SLC2A14: variants seen among roughly 807,000 people sequenced by gnomAD.
SLC2A14 encodes the protein solute carrier family 2, facilitated glucose transporter member 14.
In SLC2A14, 13 loss-of-function variants were observed where a neutral mutation model predicts 43.0. The observed-to-expected ratio is 0.30, with a 90% CI of 0.20 to 0.48. The LOEUF (loss-of-function observed/expected upper bound fraction) is 0.48. Ranked by LOEUF, SLC2A14 falls within the 20% of genes least tolerant of loss-of-function variation. The probability of loss-of-function intolerance (pLI) is 0.99; values close to 1 mark genes in which losing one functional copy is unlikely to be tolerated. For synonymous variants in SLC2A14, 190 were observed against 233.8 expected (o/e 0.81, Z 1.71); for missense variants, 428 against 620.4 (o/e 0.69, Z 3.29).
chr12:7,853,429 C>CAAAAAAA (rs35414391), intron 2 of SLC2A14, among the ~76,000 whole-genome samples: 1 of 84,600 alleles, frequency 1.2e-5, no homozygotes, highest in Non-Finnish European at 2.2e-5. Context: ...GACTCCATTT[C>CAAAAAAA]AAAAAAAAAA....
chr12:7,828,603 CG>C (rs1280641555), intron 6 of SLC2A14, 100 bp downstream of exon 6: 7 of 1,243,434 alleles, frequency 5.6e-6, no homozygotes, highest in Non-Finnish European at 7.9e-6. Flanking sequence ...TGGATTCTGA[CG>C]GGCAGGGAAA....
intron 2 of SLC2A14, among the ~76,000 whole-genome samples, chr12:7,865,122 T>C (rs1944836163): frequency 6.6e-6 from 1 of 152,212 alleles, no homozygotes; most frequent in Admixed American, 6.5e-5. Flanking sequence ...ATTCTTGTAA[T>C]ATTTCAAACA....
Position 7,820,867 on chromosome 12 carries a change from AC to A in SLC2A14, c.969+353del, listed in dbSNP as rs1317758967. On this transcript the variant is annotated intron_variant, in intron 8 of 10. Coordinates refer to ENST00000431042, the MANE Select transcript of SLC2A14 (RefSeq NM_001286234.2). ...TTTGGGAGGCCTAGGCAGGTGGATC[AC>A]CAGAGGTCAGGAGTTCAAGACCAGC... Among the ~76,000 whole-genome samples the A allele has an allele frequency of 6.6e-5, 10 of 152,170 alleles. No homozygotes were observed. The East Asian group carries it at 1.8e-3, about 27-fold the overall frequency.
intron 2 of SLC2A14, among the ~76,000 whole-genome samples, chr12:7,849,187 C>T (rs748613046): frequency 2.0e-5 from 3 of 152,198 alleles, no homozygotes; most frequent in South Asian, 2.1e-4. Context: ...TCTCAATCTT[C>T]GGGCAAGATA....
intron 2 of SLC2A14, among the ~76,000 whole-genome samples, chr12:7,856,874 GTC>G (rs1944278658): frequency 6.7e-6 from 1 of 149,648 alleles, no homozygotes; most frequent in Non-Finnish European, 1.5e-5. Context: ...GTCTCGCCCT[GTC>G]GCTCAGGTTG....
intron 2 of SLC2A14, among the ~76,000 whole-genome samples, chr12:7,844,896 G>T (rs1287484472): frequency 2.0e-5 from 3 of 152,058 alleles, no homozygotes; most frequent in Admixed American, 6.6e-5. Context: ...TATGTATATG[G>T]TATTTTAATA....
intron 8 of SLC2A14, 62 bp downstream of exon 8, chr12:7,821,159 C>G: frequency 7.8e-7 from 1 of 1,283,794 alleles, no homozygotes; most frequent in South Asian, 1.2e-5. Flanking sequence ...TGCAATCCAT[C>G]TTTGAACATC....
intron 1 of SLC2A14, among the ~76,000 whole-genome samples, chr12:7,883,982 G>T (rs1945643169): frequency 6.7e-6 from 1 of 148,604 alleles, no homozygotes; most frequent in Admixed American, 6.8e-5. Flanking sequence ...GGAGTGCAGT[G>T]GCACAATCTC....
chr12:7,822,453 G>A (rs979902088), intron 7 of SLC2A14, among the ~76,000 whole-genome samples: 4 of 151,648 alleles, frequency 2.6e-5, no homozygotes, highest in African/African-American at 9.7e-5. Context: ...AGATCACGAG[G>A]TCAGGAGATC....
At chr12:7,873,507 G>C (rs1249560731), upstream of SLC2A14, 7 of 249,552 alleles carry the variant, frequency 2.8e-5, no homozygotes, top group East Asian at 1.2e-3. Flanking sequence ...GGGGCTTGGC[G>C]GTGCGCTCCT....
rs139585041 is a variant in SLC2A14, at chr12:7,831,452, G to C, written c.272+152C>G. The C allele has an allele frequency of 1.2e-3, 1,341 of 1,165,152 alleles. 15 individuals are homozygous for C. In the African/African-American group the frequency reaches 0.019, roughly 17 times the overall value. The allele number at this position is 1,165,152 out of a possible 1,614,324, so 72.2% of individuals were successfully genotyped here. On this transcript the variant is annotated intron_variant, in intron 4 of 10. Transcript: ENST00000431042. ...GGTAGTAGAGCTCCAAGCAAGGGCAGTCATATTCGGGGCCAGTTGGGCTAG... is the reference window on the plus strand; with the variant it reads ...GGTAGTAGAGCTCCAAGCAAGGGCACTCATATTCGGGGCCAGTTGGGCTAG...
chr12:7,814,521 G>T lies in SLC2A14; in HGVS notation c.1289C>A (p.Ala430Asp), dbSNP rs202212665. The stretch of plus-strand genomic sequence containing the variant: ...GCCGGTGAAGATAATAAAAACGTAG[G>T]CTCCTAAATAGTACTAGTGAAAGGA... Reference protein sequence around the residue: ...LFPSAAYYLGAYVFIIFTGFL... With the variant: ...LFPSAAYYLGDYVFIIFTGFL... Residue 430 changes from alanine to aspartate, a missense_variant, in exon 11 of 11, where the codon GCC becomes GAC. Ala to Asp is a moderately radical substitution (Grantham distance 126). This residue lies in a region of SLC2A14 where 119 missense variants were observed against 188.7 expected (regional missense o/e 0.63). Coordinates refer to ENST00000431042, the MANE Select transcript of SLC2A14 (RefSeq NM_001286234.2). 3 of 1,613,574 alleles carry T rather than the reference G, an allele frequency of 1.9e-6. No individual in the cohort carries two copies. The highest frequency in any genetic ancestry group is 2.5e-6 in the Non-Finnish European group (3 of 1,179,792).
chr12:7,843,534 AC>A (rs202090541), intron 2 of SLC2A14, among the ~76,000 whole-genome samples: 29,786 of 119,950 alleles, frequency 0.25, 1,960 homozygotes, highest in African/African-American at 0.49. Context: ...AAATGTAAAG[AC>A]CCCCCTCCTC....
chr12:7,857,772 T>G (rs1421592885), intron 2 of SLC2A14, among the ~76,000 whole-genome samples: 6 of 152,076 alleles, frequency 3.9e-5, no homozygotes, highest in African/African-American at 1.4e-4. Context: ...GCAATTCTCC[T>G]GCCTCAGCTT....
At chr12:7,883,569 T>G (rs12369628) in intron 1 of SLC2A14, among the ~76,000 whole-genome samples, 2 of 132,082 alleles carry the variant, frequency 1.5e-5, no homozygotes, top group Admixed American at 1.6e-4. Context: ...CCCGGCCTCT[T>G]TTTCTTTTTC....
chr12:7,889,067 G>A (rs1221038142), intron 1 of SLC2A14, among the ~76,000 whole-genome samples: 1 of 151,920 alleles, frequency 6.6e-6, no homozygotes, highest in African/African-American at 2.4e-5. Flanking sequence ...GCATATTAAT[G>A]TTACAGGAAA....
At chr12:7,876,874 G>A (rs1354525362), upstream of SLC2A14, among the ~76,000 whole-genome samples, 2 of 151,750 alleles carry the variant, frequency 1.3e-5, no homozygotes, top group African/African-American at 4.8e-5. Context: ...GTATTTGACT[G>A]TTCCCATATC....
At chr12:7,878,475 T>A (rs747914558), upstream of SLC2A14, among the ~76,000 whole-genome samples, 1 of 151,026 alleles carries the variant, frequency 6.6e-6, no homozygotes, top group East Asian at 2.0e-4. Flanking sequence ...GCCAGGCTGG[T>A]CTTGAACTCC....
intron 2 of SLC2A14, chr12:7,839,645 T>G (rs1379273339): frequency 3.4e-5 from 10 of 293,664 alleles, no homozygotes; most frequent in Non-Finnish European, 4.8e-5. Flanking sequence ...GGTGCTGTGG[T>G]TTAAATGTGT....
Sources: allele counts gnomAD v4.1 joint callset (sites outside exome capture counted in the v4.1 genomes callset), GRCh38; gene constraint gnomAD v4.1.1; regional missense constraint gnomAD v4.1.1; transcripts MANE v1.5; gene names NCBI Gene and HGNC (gene_info 2026-07-23, HGNC 2026-07-21).